The following RALGPS2 variants were observed in gnomAD, a reference collection of about 807,000 sequenced individuals.
RALGPS2 encodes Ral GEF with PH domain and SH3 binding motif 2.
In RALGPS2, 43 loss-of-function variants were observed where a neutral mutation model predicts 86.8. The observed-to-expected ratio is 0.50, with a 90% CI of 0.39 to 0.64. RALGPS2 has a LOEUF of 0.64. Ranked by LOEUF, RALGPS2 falls within the 30% of genes least tolerant of loss-of-function variation. RALGPS2 has a pLI of 0.00. For synonymous variants in RALGPS2, 243 were observed against 231.3 expected (o/e 1.05, Z -0.46); for missense variants, 536 against 694.6 (o/e 0.77, Z 2.57).
intron 4 of RALGPS2, among the ~76,000 whole-genome samples, chr1:178,788,327 T>A (rs1653770404): frequency 6.6e-6 from 1 of 152,210 alleles, no homozygotes; most frequent in Non-Finnish European, 1.5e-5. Context: ...ATTTAAAACA[T>A]CTAGTTTAGT....
At chr1:178,769,470 C>G (rs569031564) in intron 1 of RALGPS2, among the ~76,000 whole-genome samples, 48 of 152,058 alleles carry the variant, frequency 3.2e-4, no homozygotes, top group African/African-American at 1.1e-3. Context: ...ACCTGGAGAT[C>G]TGCCTGGGTA....
At chr1:178,730,950 A>G (rs984078744) in intron 1 of RALGPS2, among the ~76,000 whole-genome samples, 1 of 152,042 alleles carries the variant, frequency 6.6e-6, no homozygotes, top group Non-Finnish European at 1.5e-5. Context: ...CGCCCACCTC[A>G]GGCTCCCAGA....
At chr1:178,877,786 G>A in intron 9 of RALGPS2, 151 bp downstream of exon 9, 1 of 996,246 alleles carries the variant, frequency 1.0e-6, no homozygotes, top group Non-Finnish European at 1.4e-6. Context: ...GTTTTATTTT[G>A]CCATTTACTA....
chr1:178,752,800 A>G (rs1055366202), intron 1 of RALGPS2, among the ~76,000 whole-genome samples: 2 of 152,212 alleles, frequency 1.3e-5, no homozygotes, highest in Non-Finnish European at 2.9e-5. Flanking sequence ...TAATAAACTG[A>G]TACCAAGGGT....
chr1:178,763,380 G>C (rs1222559768), intron 1 of RALGPS2, among the ~76,000 whole-genome samples: 5 of 152,220 alleles, frequency 3.3e-5, no homozygotes, highest in African/African-American at 1.2e-4. Flanking sequence ...ATCCTGTGAA[G>C]AATGTCATTG....
chr1:178,888,865 C>T (rs1176895423), intron 13 of RALGPS2, among the ~76,000 whole-genome samples: 1 of 152,002 alleles, frequency 6.6e-6, no homozygotes, highest in Non-Finnish European at 1.5e-5. Context: ...CAGAACCCTG[C>T]CCGTAAAAAA....
intron 4 of RALGPS2, among the ~76,000 whole-genome samples, chr1:178,804,544 T>TG (rs1365024223): frequency 7.3e-6 from 1 of 136,746 alleles, no homozygotes. Context: ...TTTTTGTTCT[T>TG]GCGATAGTTT....
intron 8 of RALGPS2, among the ~76,000 whole-genome samples, chr1:178,864,348 A>G (rs1265147182): frequency 1.3e-5 from 2 of 152,100 alleles, no homozygotes; most frequent in Admixed American, 6.6e-5. Context: ...CTTGGAAAAT[A>G]GGAGGGATAC....
chr1:178,796,190 T>A (rs1654183033), intron 4 of RALGPS2, among the ~76,000 whole-genome samples: 1 of 152,160 alleles, frequency 6.6e-6, no homozygotes, highest in Non-Finnish European at 1.5e-5. Flanking sequence ...AGCTCCTGCC[T>A]GTATCTGTGA....
chr1:178,730,819 A>T (rs1346483625), intron 1 of RALGPS2, among the ~76,000 whole-genome samples: 1 of 151,328 alleles, frequency 6.6e-6, no homozygotes, highest in Non-Finnish European at 1.5e-5. Flanking sequence ...CTCCTGCCTC[A>T]GCCTCCCAAG....
chr1:178,792,085 A>G (rs879392966), intron 4 of RALGPS2, among the ~76,000 whole-genome samples: 7 of 152,192 alleles, frequency 4.6e-5, no homozygotes, highest in Non-Finnish European at 7.4e-5. Context: ...TCTGTAACAC[A>G]CTTGAAATTA....
chr1:178,833,497 G>C lies in RALGPS2; in HGVS notation c.554G>C (p.Arg185Thr). 6.5e-7 allele frequency: 1 copy of C among 1,532,190 alleles called. No individual in the cohort carries two copies. Among genetic ancestry groups the C allele is most frequent in the Non-Finnish European group, 8.7e-7 (1 of 1,151,534 alleles). 94.9% of individuals were successfully genotyped at this position (1,532,190 alleles called of 1,614,324 possible). Residue 185 changes from arginine to threonine, a missense_variant, in exon 8 of 20, where the codon AGA becomes ACA. Coordinates refer to ENST00000367635, the MANE Select transcript of RALGPS2 (RefSeq NM_152663.5). ...ATGAGTAAAGAAGATAACTACAAAA[G>C]ACTCAGAGACTATATAAGTAGCTTA... Reference protein sequence around the residue: ...YVMSKEDNYKRLRDYISSLKM... With the variant: ...YVMSKEDNYKTLRDYISSLKM...
chr1:178,909,234 G>A (rs1405117404), intron 19 of RALGPS2, among the ~76,000 whole-genome samples: 1 of 152,090 alleles, frequency 6.6e-6, no homozygotes, highest in African/African-American at 2.4e-5. Context: ...TTATTTCTGG[G>A]CTCTCTATAC....
At chr1:178,846,978 T>G (rs73039830) in intron 8 of RALGPS2, among the ~76,000 whole-genome samples, 15,692 of 152,070 alleles carry the variant, frequency 0.1, 1,858 homozygotes, top group African/African-American at 0.29. Flanking sequence ...GACAAAGGAG[T>G]TTAAATTGAC....
chr1:178,771,010 T>C (rs1489044784), intron 1 of RALGPS2, among the ~76,000 whole-genome samples: 1 of 151,504 alleles, frequency 6.6e-6, no homozygotes. Flanking sequence ...AGCTAAATTT[T>C]GTATTTTTAG....
At chr1:178,748,469 T>C (rs1172859947) in intron 1 of RALGPS2, among the ~76,000 whole-genome samples, 1 of 152,240 alleles carries the variant, frequency 6.6e-6, no homozygotes, top group Admixed American at 6.5e-5. Flanking sequence ...GTGATGTGAC[T>C]ATACTATTTA....
At chr1:178,744,583 A>G (rs1651204573) in intron 1 of RALGPS2, among the ~76,000 whole-genome samples, 1 of 152,062 alleles carries the variant, frequency 6.6e-6, no homozygotes, top group Non-Finnish European at 1.5e-5. Context: ...GCTGGAGAGC[A>G]GGGGTGGATC....
intron 18 of RALGPS2, among the ~76,000 whole-genome samples, chr1:178,902,477 G>A (rs995204497): frequency 6.6e-6 from 1 of 152,024 alleles, no homozygotes; most frequent in Non-Finnish European, 1.5e-5. Context: ...ATATATGCTT[G>A]AAAATTAAAA....
intron 10 of RALGPS2, chr1:178,879,908 A>T (rs1465090683): frequency 6.6e-6 from 1 of 152,096 alleles, no homozygotes; most frequent in African/African-American, 2.4e-5. Context: ...TTAAATTATT[A>T]ACCCTTTCAT....
Sources: gnomAD v4.1 joint callset for allele counts (sites outside exome capture counted in the v4.1 genomes callset) on GRCh38, gnomAD v4.1.1 for gene constraint, MANE v1.5 for transcripts, NCBI Gene and HGNC (gene_info 2026-07-23, HGNC 2026-07-21) for gene names.